Variants in FGF12 observed in about 807,000 individuals in gnomAD.
FGF12 encodes fibroblast growth factor 12B.
FGF12 carries 14 observed loss-of-function variants against 23.6 expected under a neutral mutation model. The observed-to-expected ratio is 0.59, with a 90% CI of 0.39 to 0.93. The LOEUF is 0.93. Ranked by LOEUF, FGF12 falls within the 40% of genes least tolerant of loss-of-function variation. The pLI is 0.00. For synonymous variants in FGF12, 62 were observed against 77.3 expected (o/e 0.80, Z 1.04); for missense variants, 175 against 217.8 (o/e 0.80, Z 1.24).
At chr3:192,541,233 A>G (rs1725356204) in intron 2 of FGF12, among the ~76,000 whole-genome samples, 1 of 151,978 alleles carries the variant, frequency 6.6e-6, no homozygotes, top group Admixed American at 6.6e-5. Flanking sequence ...CCTTTTAGCA[A>G]GGGTGATTTT....
chr3:192,527,201 T>C (rs886252153), intron 2 of FGF12, among the ~76,000 whole-genome samples: 4 of 152,306 alleles, frequency 2.6e-5, no homozygotes, highest in Admixed American at 1.3e-4. Context: ...TCTGCTATGA[T>C]ATGACACAGC....
At chr3:192,204,108 CTAGGTATT>C (rs1285021221) in intron 4 of FGF12, among the ~76,000 whole-genome samples, 2 of 152,012 alleles carry the variant, frequency 1.3e-5, no homozygotes. Context: ...TTCAATTTGT[CTAGGTATT>C]AGATGAAGGT....
intron 2 of FGF12, among the ~76,000 whole-genome samples, chr3:192,571,068 T>C (rs1208994430): frequency 6.7e-6 from 1 of 149,592 alleles, no homozygotes; most frequent in African/African-American, 2.4e-5. Context: ...CTTTCATTTC[T>C]ACATTGGTGT....
chr3:192,648,176 CTAT>C (rs1347316380), intron 2 of FGF12, among the ~76,000 whole-genome samples: 1 of 151,988 alleles, frequency 6.6e-6, no homozygotes, highest in Non-Finnish European at 1.5e-5. Context: ...ATTATTTTTA[CTAT>C]TATTATTGTT....
At chr3:192,405,233 T>C (rs1343871124) in intron 2 of FGF12, among the ~76,000 whole-genome samples, 1 of 151,216 alleles carries the variant, frequency 6.6e-6, no homozygotes, top group Non-Finnish European at 1.5e-5. Flanking sequence ...GTTTTCATTC[T>C]GTGTTACTGT....
chr3:192,637,141 T>C (rs891785827), intron 2 of FGF12, among the ~76,000 whole-genome samples: 1 of 152,196 alleles, frequency 6.6e-6, no homozygotes, highest in African/African-American at 2.4e-5. Flanking sequence ...GATAAGGCAA[T>C]GGAAATCTTG....
At chr3:192,363,903 C>T (rs143942173) in intron 2 of FGF12, among the ~76,000 whole-genome samples, 459 of 152,294 alleles carry the variant, frequency 3.0e-3, no homozygotes, top group African/African-American at 0.011. Flanking sequence ...AAACGAAAAC[C>T]TTTGCTGTCC....
chr3:192,644,439 G>A (rs1715925787), intron 2 of FGF12, among the ~76,000 whole-genome samples: 1 of 151,964 alleles, frequency 6.6e-6, no homozygotes, highest in African/African-American at 2.4e-5. Context: ...ATAAGTTTAT[G>A]TTCACTCCTA....
intron 2 of FGF12, among the ~76,000 whole-genome samples, chr3:192,669,454 G>A (rs1356787050): frequency 6.6e-6 from 1 of 151,834 alleles, no homozygotes; most frequent in East Asian, 1.9e-4. Context: ...GGGCATGGTG[G>A]TGGGGACCTA....
At position 192,336,194 on chromosome 3, in the gene FGF12, GCA is replaced by G. The variant is rs139964441; in HGVS notation, c.125-732_125-731del. ...CAAATATATATACACATATATATAT[GCA>G]CACACACACACATATACTCAAAACC... On this transcript the variant is annotated intron_variant, in intron 3 of 5. Transcript: ENST00000445105. This position sits in a 1 kb window ranked among gnomAD's most constrained non-coding sequence, Gnocchi z 4.3. Among the ~76,000 whole-genome samples the G allele has an allele frequency of 0.069, 9,847 of 143,694 alleles. 355 individuals carry two copies. Among genetic ancestry groups the G allele is most frequent in the South Asian group, 0.14 (627 of 4,474 alleles). The allele number at this position is 143,694 out of a possible 152,430, so 94.3% of individuals were successfully genotyped here.
At chr3:192,253,621 G>C (rs929962362) in intron 4 of FGF12, among the ~76,000 whole-genome samples, 8 of 152,044 alleles carry the variant, frequency 5.3e-5, no homozygotes, top group Non-Finnish European at 1.5e-5. Context: ...GCTGGATGTG[G>C]CTAAAGTTTG....
At chr3:192,449,256 C>A (rs745661645) in intron 2 of FGF12, among the ~76,000 whole-genome samples, 2 of 152,184 alleles carry the variant, frequency 1.3e-5, no homozygotes, top group Non-Finnish European at 2.9e-5. Context: ...AGTGGTTTCT[C>A]TCCCTGCTTC....
chr3:192,462,240 CA>C (rs1246365194), intron 2 of FGF12, among the ~76,000 whole-genome samples: 1 of 152,052 alleles, frequency 6.6e-6, no homozygotes, highest in African/African-American at 2.4e-5. Flanking sequence ...GTATACCCTC[CA>C]AAACTCATGT....
chr3:192,711,123 G>C (rs774915829), intron 2 of FGF12, among the ~76,000 whole-genome samples: 2 of 152,130 alleles, frequency 1.3e-5, no homozygotes, highest in East Asian at 1.9e-4. Flanking sequence ...AAATATCTTC[G>C]GGAAATCTCT....
At chr3:192,683,637 T>G (rs1169073041) in intron 2 of FGF12, among the ~76,000 whole-genome samples, 1 of 152,110 alleles carries the variant, frequency 6.6e-6, no homozygotes, top group South Asian at 2.1e-4. Flanking sequence ...AAAAAAAAAT[T>G]TTTTTCTAGG....
At chr3:192,325,342 A>C (rs1716763082) in intron 4 of FGF12, among the ~76,000 whole-genome samples, 1 of 152,198 alleles carries the variant, frequency 6.6e-6, no homozygotes, top group Non-Finnish European at 1.5e-5. Context: ...ATATGAGAAG[A>C]AAAAATTATG....
chr3:192,229,195 GC>G (rs1718894447), intron 4 of FGF12, among the ~76,000 whole-genome samples: 1 of 151,820 alleles, frequency 6.6e-6, no homozygotes, highest in Admixed American at 6.6e-5. Flanking sequence ...TTCTTGGAGG[GC>G]TATGCACACA....
chr3:192,147,488 G>GT (rs1560166639), intron 5 of FGF12, among the ~76,000 whole-genome samples: 1 of 152,182 alleles, frequency 6.6e-6, no homozygotes, highest in African/African-American at 2.4e-5. Flanking sequence ...GAAACAAGGC[G>GT]TAAGTGTTCT....
chr3:192,576,596 A>G (rs1478471144), intron 2 of FGF12, among the ~76,000 whole-genome samples: 1 of 152,166 alleles, frequency 6.6e-6, no homozygotes, highest in African/African-American at 2.4e-5. Context: ...GAGAATGATT[A>G]AATAAATGAT....
Sources: allele counts gnomAD v4.1 joint callset (sites outside exome capture counted in the v4.1 genomes callset), GRCh38; gene constraint gnomAD v4.1.1; non-coding constraint Gnocchi (gnomAD v3.1); transcripts MANE v1.5; gene names NCBI Gene and HGNC (gene_info 2026-07-23, HGNC 2026-07-21).